Variants in CNTN4 observed in about 807,000 individuals in gnomAD.
The protein encoded by CNTN4 is contactin 4.
CNTN4 carries 77 observed loss-of-function variants against 122.5 expected under a neutral mutation model. The observed-to-expected ratio is 0.63, with a 90% CI of 0.52 to 0.76. The LOEUF is 0.76. Ranked by LOEUF, CNTN4 falls within the 30% of genes least tolerant of loss-of-function variation. The pLI is 0.00. For synonymous variants in CNTN4, 512 were observed against 447.0 expected (o/e 1.15, Z -1.83); for missense variants, 1,256 against 1,259.1 (o/e 1.00, Z 0.04).
intron 2 of CNTN4, among the ~76,000 whole-genome samples, chr3:2,267,100 A>G (rs2041082635): frequency 6.6e-6 from 1 of 152,068 alleles, no homozygotes; most frequent in Non-Finnish European, 1.5e-5. Context: ...TAATGAGTGA[A>G]CCTTTCCTGT....
At chr3:2,785,894 T>TTCC (rs2091792666) in intron 6 of CNTN4, among the ~76,000 whole-genome samples, 1 of 5,244 alleles carries the variant, frequency 1.9e-4, no homozygotes, top group African/African-American at 5.5e-4. Flanking sequence ...TGGCCCACGC[T>TTCC]GCCCCCCCCC....
chr3:2,122,877 G>T lies in CNTN4; in HGVS notation c.-145+22238G>T, dbSNP rs540958452. Among the ~76,000 whole-genome samples, 5 of 152,278 alleles carry T rather than the reference G, an allele frequency of 3.3e-5. No individual in the cohort carries two copies. In the South Asian group the frequency reaches 1.0e-3, roughly 32 times the overall value. ...GCTTATGTTAGACATTCTTGTGCAA[G>T]GTTTATGGTTGGCTGTTGTTCTTAA... On this transcript the variant is annotated intron_variant, in intron 2 of 24. Transcript: ENST00000418658.
Position 2,841,587 on chromosome 3 carries a change from T to C in CNTN4, c.454+22006T>C, listed in dbSNP as rs1380012258. 6.6e-6 allele frequency among the ~76,000 whole-genome samples: 1 copy of C among 152,228 alleles called. No individual in the cohort carries two copies. The highest frequency in any genetic ancestry group is 1.9e-4 in the East Asian group (1 of 5,204). ...CTCAAACTATATTTGGCCATTGGCT[T>C]CGGGATTTGGTTATTTCCTCAACCC... On this transcript the variant is annotated intron_variant, in intron 7 of 24. Coordinates refer to ENST00000418658, the MANE Select transcript of CNTN4 (RefSeq NM_175607.3). This position sits in a 1 kb window ranked among gnomAD's most constrained non-coding sequence, Gnocchi z 4.8.
At chr3:2,864,734 C>G (rs1304988788) in intron 7 of CNTN4, among the ~76,000 whole-genome samples, 1 of 15,210 alleles carries the variant, frequency 6.6e-5, no homozygotes, top group Non-Finnish European at 1.3e-4. Context: ...AAGCAAAACT[C>G]CATCTCAAAA....
intron 2 of CNTN4, among the ~76,000 whole-genome samples, chr3:2,101,492 T>C (rs1283529271): frequency 1.3e-5 from 2 of 152,214 alleles, no homozygotes; most frequent in African/African-American, 4.8e-5. Context: ...TGCTTTTATA[T>C]TATTTTAGTT....
intron 4 of CNTN4, among the ~76,000 whole-genome samples, chr3:2,657,250 A>G (rs2083634156): frequency 6.6e-6 from 1 of 152,186 alleles, no homozygotes; most frequent in African/African-American, 2.4e-5. Context: ...CTTATTGGAA[A>G]CCTATTTTAC....
chr3:2,701,923 T>C lies in CNTN4; in HGVS notation c.56-34292T>C, dbSNP rs1044052326. Among the ~76,000 whole-genome samples, 20 of 152,184 alleles carry C rather than the reference T, an allele frequency of 1.3e-4. No individual in the cohort carries two copies. The East Asian group carries it at 3.7e-3, about 28-fold the overall frequency. ...TGAAACTGACTCTAGATAATTTAAG[T>C]GAAAAAGGAATTGATTGAAAAGTTA... On this transcript the variant is annotated intron_variant, in intron 4 of 24. Coordinates refer to ENST00000418658, the MANE Select transcript of CNTN4 (RefSeq NM_175607.3).
At chr3:2,175,498 T>C (rs555902815) in intron 2 of CNTN4, among the ~76,000 whole-genome samples, 79 of 152,320 alleles carry the variant, frequency 5.2e-4, no homozygotes, top group African/African-American at 1.8e-3. Context: ...ATTTTATTTA[T>C]CTTATTAGAT....
intron 2 of CNTN4, among the ~76,000 whole-genome samples, chr3:2,337,008 G>T (rs946533991): frequency 2.2e-4 from 33 of 151,958 alleles, no homozygotes; most frequent in African/African-American, 8.0e-4. Context: ...GTTGAATCAC[G>T]TAGAACATAG....
chr3:2,754,357 C>G (rs2090234169), intron 6 of CNTN4, among the ~76,000 whole-genome samples: 1 of 152,162 alleles, frequency 6.6e-6, no homozygotes, highest in African/African-American at 2.4e-5. Context: ...TAAGTACTTC[C>G]AAATTGCTAA....
intron 2 of CNTN4, among the ~76,000 whole-genome samples, chr3:2,261,155 AT>A (rs1036131578): frequency 7.3e-5 from 11 of 151,518 alleles, no homozygotes; most frequent in East Asian, 5.8e-4. Context: ...AAAATTCCTA[AT>A]TTTTTTTTCC....
At chr3:2,693,770 T>A (rs1257944012) in intron 4 of CNTN4, among the ~76,000 whole-genome samples, 1 of 152,184 alleles carries the variant, frequency 6.6e-6, no homozygotes, top group Non-Finnish European at 1.5e-5. Context: ...GGAACTTGCA[T>A]CGTCCTCTCA....
At chr3:2,819,372 G>A in intron 6 of CNTN4, 114 bp from the exon 7 acceptor site, 1 of 781,800 alleles carries the variant, frequency 1.3e-6, no homozygotes, top group Non-Finnish European at 2.2e-6. Context: ...CCCCGGTATG[G>A]GTGCTACCAA....
rs775849107 is a variant in CNTN4 at position 2,819,530 on chromosome 3, C to T, written c.403C>T (p.Arg135Cys). ...KTRTRSTVSVRRGQGMVLLCG... is the reference protein window; with the variant it reads ...KTRTRSTVSVCRGQGMVLLCG... ...AAGAACAAGAAGCACTGTGTCTGTC[C>T]GTCGAGGTCAAGGAATGGTGCTACT... Residue 135 changes from arginine to cysteine, a missense_variant, in exon 7 of 25, where the codon CGT becomes TGT. By Grantham distance (180) the Arg-to-Cys change is radical. Coordinates refer to ENST00000418658, the MANE Select transcript of CNTN4 (RefSeq NM_175607.3). The T allele has an allele frequency of 5.6e-6, 9 of 1,614,010 alleles. No individual in the cohort carries two copies. Among genetic ancestry groups the T allele is most frequent in the South Asian group, 1.1e-5 (1 of 91,078 alleles).
chr3:2,747,412 A>C (rs1357386407), intron 6 of CNTN4, among the ~76,000 whole-genome samples: 1 of 28,546 alleles, frequency 3.5e-5, no homozygotes, highest in Non-Finnish European at 1.1e-4. Context: ...CCGTCTAAAA[A>C]AAAAAATAAA....
At chr3:2,421,148 C>G (rs2047599217) in intron 3 of CNTN4, among the ~76,000 whole-genome samples, 2 of 152,150 alleles carry the variant, frequency 1.3e-5, no homozygotes, top group African/African-American at 2.4e-5. Flanking sequence ...TAGCCCTCCC[C>G]CATCACCTTA....
intron 2 of CNTN4, among the ~76,000 whole-genome samples, chr3:2,291,825 C>G (rs942520199): frequency 1.3e-5 from 2 of 152,046 alleles, no homozygotes; most frequent in Admixed American, 6.6e-5. Flanking sequence ...CCTCCGCCTC[C>G]CAGGTTGAAG....
chr3:2,148,078 A>G (rs749615725), intron 2 of CNTN4, among the ~76,000 whole-genome samples: 1 of 152,114 alleles, frequency 6.6e-6, no homozygotes, highest in Non-Finnish European at 1.5e-5. Flanking sequence ...TCAAGTTGGA[A>G]TGATTTCATG....
At chr3:2,374,905 T>C (rs1242971582) in intron 3 of CNTN4, among the ~76,000 whole-genome samples, 1 of 152,190 alleles carries the variant, frequency 6.6e-6, no homozygotes, top group Non-Finnish European at 1.5e-5. Context: ...TGAATGACTT[T>C]CCCAAAATGT....
Sources: allele counts gnomAD v4.1 joint callset (sites outside exome capture counted in the v4.1 genomes callset), GRCh38; gene constraint gnomAD v4.1.1; non-coding constraint Gnocchi (gnomAD v3.1); transcripts MANE v1.5; gene names NCBI Gene and HGNC (gene_info 2026-07-23, HGNC 2026-07-21).